The following RFX7 variants were observed in gnomAD, a reference collection of about 807,000 sequenced individuals.
RFX7 encodes regulatory factor X7.
Under a neutral mutation model 111.8 loss-of-function variants are expected in RFX7, and 26 were observed. The observed-to-expected ratio is 0.23, with a 90% CI of 0.17 to 0.32. The LOEUF is 0.32. Among genes scored for constraint, RFX7 ranks in the 10% least tolerant of loss-of-function variants. The pLI is 1.00. For synonymous variants in RFX7, 624 were observed against 624.4 expected (o/e 1.00, Z 0.01); for missense variants, 1,573 against 1,772.9 (o/e 0.89, Z 2.02).
intron 2 of RFX7, among the ~76,000 whole-genome samples, chr15:56,179,979 C>T (rs887148649): frequency 7.9e-5 from 12 of 152,074 alleles, no homozygotes; most frequent in African/African-American, 2.9e-4. Context: ...ATATATAACA[C>T]AAATGAAGCC....
intron 3 of RFX7, among the ~76,000 whole-genome samples, chr15:56,156,449 C>G (rs924334645): frequency 2.0e-5 from 3 of 152,026 alleles, no homozygotes. Flanking sequence ...TTCTATGAAA[C>G]AAAACCACAG....
rs150447277 is a variant in RFX7, at chr15:56,116,302, G to A, written c.402-12632C>T. On this transcript the variant is annotated intron_variant, in intron 5 of 9. Transcript: ENST00000559447. ...GAGAGGTAAAGATGGTTTGTAAAAT[G>A]GTTTGTAAGATGGTTTGTAGTTAAA... 1.1e-3 allele frequency among the ~76,000 whole-genome samples: 165 copies of A among 152,278 alleles called. 1 individual carries two copies. The highest frequency in any genetic ancestry group is 3.9e-3 in the African/African-American group (162 of 41,566).
Position 56,098,123 on chromosome 15 carries a change from T to C in RFX7, c.1065A>G (p.Gln355=). ...PNGNPSILSP[Q]PIGIVVAAVP... ...CAGCTGCCACAACGATACCAATAGG[T>C]TGAGGAGAAAGGATTGAAGGATTTC... The change falls in exon 9 of 10, where the codon CAA becomes CAG. Residue 355 remains glutamine, a synonymous_variant. Coordinates refer to ENST00000559447, the MANE Select transcript of RFX7 (RefSeq NM_022841.7). 6.2e-7 allele frequency: 1 copy of C among 1,613,822 alleles called. No individual in the cohort carries two copies. Among genetic ancestry groups the C allele is most frequent in the Non-Finnish European group, 8.5e-7 (1 of 1,179,804 alleles).
chr15:56,110,265 GT>G (rs2041901657), intron 5 of RFX7, among the ~76,000 whole-genome samples: 1 of 89,076 alleles, frequency 1.1e-5, no homozygotes, highest in Non-Finnish European at 2.4e-5. Context: ...CGGGAGGGAG[GT>G]GGGGGGGGGT....
chr15:56,167,760 T>C (rs1281320949), intron 3 of RFX7, among the ~76,000 whole-genome samples: 1 of 152,212 alleles, frequency 6.6e-6, no homozygotes, highest in African/African-American at 2.4e-5. Flanking sequence ...CTTTATATTT[T>C]TTACTTCTAG....
chr15:56,243,494 G>T lies in RFX7; in HGVS notation c.-52C>A. 1.0e-6 allele frequency: 1 copy of T among 984,904 alleles called. No homozygotes were observed. Among genetic ancestry groups the T allele is most frequent in the South Asian group, 4.7e-5 (1 of 21,256 alleles). 61.0% of individuals were successfully genotyped at this position (984,904 alleles called of 1,614,324 possible). A position where few individuals can be genotyped will look rare whatever the true frequency, so the allele number is the denominator to read the frequency against. On this transcript the variant is annotated 5_prime_UTR_variant, in exon 1 of 10. Transcript: ENST00000559447. The stretch of plus-strand genomic sequence containing the variant: ...CGCCTGCCGCCTGGGGAACATCACC[G>T]GGGAGACCAGCGGCTCCTCACGGCC...
At chr15:56,158,700 T>C (rs2042683786) in intron 3 of RFX7, among the ~76,000 whole-genome samples, 1 of 152,116 alleles carries the variant, frequency 6.6e-6, no homozygotes. Flanking sequence ...TGCATACCTG[T>C]AGTCTCAGCT....
intron 2 of RFX7, among the ~76,000 whole-genome samples, chr15:56,230,515 A>T (rs1166718687): frequency 6.6e-6 from 1 of 152,264 alleles, no homozygotes; most frequent in African/African-American, 2.4e-5. Context: ...TATCAAATAC[A>T]GAAACAATAT....
intron 2 of RFX7, among the ~76,000 whole-genome samples, chr15:56,200,731 G>A (rs796710271): frequency 2.0e-5 from 3 of 152,104 alleles, no homozygotes; most frequent in South Asian, 2.1e-4. Flanking sequence ...TGAGGGAGTC[G>A]GAGGTTGCAG....
At chr15:56,126,423 C>A (rs755886365) in intron 5 of RFX7, among the ~76,000 whole-genome samples, 6 of 152,130 alleles carry the variant, frequency 3.9e-5, no homozygotes, top group Non-Finnish European at 8.8e-5. Context: ...TTTTGCAAAT[C>A]CTCATCACAA....
At chr15:56,143,159 A>G (rs1270127194) in intron 4 of RFX7, among the ~76,000 whole-genome samples, 2 of 152,136 alleles carry the variant, frequency 1.3e-5, no homozygotes, top group Non-Finnish European at 2.9e-5. Context: ...GTTTTGGTCA[A>G]AAATCACCTT....
intron 2 of RFX7, among the ~76,000 whole-genome samples, chr15:56,194,389 A>G (rs2043128137): frequency 6.6e-6 from 1 of 152,126 alleles, no homozygotes; most frequent in Admixed American, 6.5e-5. Context: ...TAATAGATCA[A>G]CGAGAAGAAG....
intron 3 of RFX7, among the ~76,000 whole-genome samples, chr15:56,168,099 T>G (rs1260002759): frequency 6.6e-6 from 1 of 152,226 alleles, no homozygotes; most frequent in Non-Finnish European, 1.5e-5. Context: ...ATTAAATGTC[T>G]AACTCTACCA....
intron 2 of RFX7, among the ~76,000 whole-genome samples, chr15:56,194,271 C>T (rs1020601774): frequency 6.6e-6 from 1 of 152,110 alleles, no homozygotes. Context: ...TGACTCACAA[C>T]TCCTATATAC....
intron 3 of RFX7, among the ~76,000 whole-genome samples, chr15:56,151,633 A>G (rs1196583272): frequency 6.6e-6 from 1 of 152,260 alleles, no homozygotes; most frequent in Non-Finnish European, 1.5e-5. Context: ...CATCGACACT[A>G]TTAAGAAACT....
chr15:56,243,947 G>C (rs1228737349), upstream of RFX7: 4 of 149,940 alleles, frequency 2.7e-5, no homozygotes, highest in Non-Finnish European at 6.0e-5. Flanking sequence ...CAGGGTGTGC[G>C]GGCCGCGGGC....
intron 2 of RFX7, among the ~76,000 whole-genome samples, chr15:56,238,577 T>C (rs1446011021): frequency 6.6e-6 from 1 of 152,316 alleles, no homozygotes; most frequent in South Asian, 2.1e-4. Flanking sequence ...GGCAAAACGA[T>C]AGATCTTATA....
intron 2 of RFX7, among the ~76,000 whole-genome samples, chr15:56,181,780 TGGTAA>T: frequency 6.6e-6 from 1 of 151,760 alleles, no homozygotes; most frequent in Non-Finnish European, 1.5e-5. Flanking sequence ...ACAAACAACT[TGGTAA>T]ACCTCTAAAA....
At chr15:56,107,975 G>A (rs1412124676) in intron 5 of RFX7, among the ~76,000 whole-genome samples, 1 of 152,058 alleles carries the variant, frequency 6.6e-6, no homozygotes, top group African/African-American at 2.4e-5. Flanking sequence ...AAAAATTCCT[G>A]GACACATACA....
Sources: gnomAD v4.1 joint callset for allele counts (sites outside exome capture counted in the v4.1 genomes callset) on GRCh38, gnomAD v4.1.1 for gene constraint, MANE v1.5 for transcripts, NCBI Gene and HGNC (gene_info 2026-07-23, HGNC 2026-07-21) for gene names.